The following EIF4G3 variants were observed in gnomAD, a reference collection of about 807,000 sequenced individuals.
EIF4G3 encodes eIF-4-gamma 3.
Under a neutral mutation model 186.4 loss-of-function variants are expected in EIF4G3, and 34 were observed. That is an observed-to-expected ratio of 0.18 (90% CI 0.14 to 0.24). The LOEUF is 0.24. EIF4G3 is among the 10% of genes least tolerant of loss of function. EIF4G3 has a pLI of 1.00. For missense variants in EIF4G3, 1,536 were observed against 1,948.5 expected (o/e 0.79, Z 3.99); for synonymous variants, 673 against 679.5 (o/e 0.99, Z 0.15).
At chr1:20,873,791 C>T (rs962586421) in intron 20 of EIF4G3, among the ~76,000 whole-genome samples, 6 of 150,710 alleles carry the variant, frequency 4.0e-5, no homozygotes, top group Non-Finnish European at 5.9e-5. Flanking sequence ...ATACATGTGC[C>T]ATGGTGGTTT....
chr1:21,043,864 T>C (rs1418985082), intron 4 of EIF4G3, among the ~76,000 whole-genome samples: 3 of 137,194 alleles, frequency 2.2e-5, no homozygotes, highest in Non-Finnish European at 3.1e-5. Flanking sequence ...GAGTGAAACC[T>C]TGGCGCAAAA....
intron 18 of EIF4G3, 123 bp from the exon 19 acceptor site, chr1:20,886,494 T>A: frequency 1.2e-6 from 1 of 830,060 alleles, no homozygotes; most frequent in Non-Finnish European, 1.8e-6. Context: ...TACTAGGTAC[T>A]CAAACTGGAG....
chr1:21,108,564 A>G (rs559734485), intron 2 of EIF4G3, among the ~76,000 whole-genome samples: 127 of 152,272 alleles, frequency 8.3e-4, no homozygotes, highest in African/African-American at 2.8e-3. Context: ...TATAAGGACT[A>G]ATATAAATGC....
chr1:20,812,602 G>C (rs1004262268), intron 35 of EIF4G3, among the ~76,000 whole-genome samples: 2 of 152,076 alleles, frequency 1.3e-5, no homozygotes, highest in African/African-American at 4.8e-5. Context: ...ATTGAATAAT[G>C]TTAAACATTG....
At chr1:20,903,008 C>G (rs1207152540) in intron 15 of EIF4G3, among the ~76,000 whole-genome samples, 2 of 152,200 alleles carry the variant, frequency 1.3e-5, no homozygotes, top group Non-Finnish European at 2.9e-5. Flanking sequence ...TCTTGTGTTT[C>G]AAGAGTAACA....
At chr1:21,160,406 T>A (rs1489318508) in intron 2 of EIF4G3, among the ~76,000 whole-genome samples, 1 of 152,200 alleles carries the variant, frequency 6.6e-6, no homozygotes. Context: ...ACAAGCTCCA[T>A]CAGTTGCTAA....
At chr1:21,175,152 C>A (rs1387799372) in intron 2 of EIF4G3, 1 of 152,166 alleles carries the variant, frequency 6.6e-6, no homozygotes, top group East Asian at 1.9e-4. Context: ...TACACAAATA[C>A]AGTGGGTGTA....
chr1:20,813,398 TAAAAAA>T (rs11303095), intron 34 of EIF4G3, among the ~76,000 whole-genome samples, 159 bp from the exon 35 acceptor site: 5 of 81,834 alleles, frequency 6.1e-5, no homozygotes, highest in East Asian at 4.3e-4. Context: ...CCCTATCTCT[TAAAAAA>T]AAAAAAAAAA....
chr1:21,108,902 C>CA (rs767728797), intron 2 of EIF4G3, among the ~76,000 whole-genome samples: 2,446 of 31,348 alleles, frequency 0.078, 205 homozygotes, highest in African/African-American at 0.19. Flanking sequence ...GACTCCATCT[C>CA]AAAAAAAAAA....
At chr1:20,867,237 CAGAT>C in intron 20 of EIF4G3, among the ~76,000 whole-genome samples, 1 of 152,322 alleles carries the variant, frequency 6.6e-6, no homozygotes, top group Non-Finnish European at 1.5e-5. Flanking sequence ...TAATAAGCCA[CAGAT>C]AAATAAGCTG....
intron 12 of EIF4G3, among the ~76,000 whole-genome samples, chr1:20,965,047 T>C (rs1210760788): frequency 6.6e-6 from 1 of 152,172 alleles, no homozygotes; most frequent in Non-Finnish European, 1.5e-5. Flanking sequence ...GATTAGGAAG[T>C]AGTAAATTTT....
chr1:21,135,719 A>G (rs1053427063), intron 2 of EIF4G3, among the ~76,000 whole-genome samples: 2 of 152,194 alleles, frequency 1.3e-5, no homozygotes, highest in Non-Finnish European at 2.9e-5. Context: ...AATTTGTAGA[A>G]TAAGCCTGGG....
At chr1:21,120,210 C>A (rs533598672) in intron 2 of EIF4G3, among the ~76,000 whole-genome samples, 1 of 150,870 alleles carries the variant, frequency 6.6e-6, no homozygotes, top group Middle Eastern at 3.4e-3. Flanking sequence ...AAATTTACAA[C>A]AATTTATCAA....
At chr1:20,951,953 A>T (rs576973168) in intron 12 of EIF4G3, among the ~76,000 whole-genome samples, 3 of 152,308 alleles carry the variant, frequency 2.0e-5, no homozygotes, top group Admixed American at 6.5e-5. Context: ...AAGGAGTGAG[A>T]TAATATGTTT....
At chr1:20,819,356 C>T (rs1020362008) in intron 33 of EIF4G3, among the ~76,000 whole-genome samples, 6 of 150,584 alleles carry the variant, frequency 4.0e-5, no homozygotes, top group Admixed American at 6.6e-5. Context: ...CTTGCTCTTT[C>T]GCTCAGGTTA....
At position 20,946,512 on chromosome 1, in the gene EIF4G3, T is replaced by C. The variant is rs796185224; in HGVS notation, c.823+3491A>G. 3.3e-5 allele frequency among the ~76,000 whole-genome samples: 5 copies of C among 152,344 alleles called. 1 individual carries two copies. The highest frequency in any genetic ancestry group is 1.2e-4 in the African/African-American group (5 of 41,592). ...TAAAATGGTAGATTTGTCTGGAACC[T>C]TGGCCTTCATGTAAATATTCTAGCT... On this transcript the variant is annotated intron_variant, in intron 13 of 36. Transcript: ENST00000602326.
Position 20,810,654 on chromosome 1 carries a change from T to C in EIF4G3, c.4744+84A>G. ...TTAGTGATTCTTTTATTGTCCTTTG[T>C]TCGAACCCTAAATCATCTCTAAGTC... On this transcript the variant is annotated intron_variant, in intron 36 of 36. Coordinates refer to ENST00000602326, the MANE Select transcript of EIF4G3 (RefSeq NM_001391906.1). The surrounding 1 kb of genome is among the most constrained non-coding windows in gnomAD (Gnocchi z 4.1). The C allele has an allele frequency of 6.8e-7, 1 of 1,462,936 alleles. No homozygotes were observed. The highest frequency in any genetic ancestry group is 1.2e-5 in the South Asian group (1 of 83,782). 90.6% of individuals were successfully genotyped at this position (1,462,936 alleles called of 1,614,324 possible).
At chr1:21,083,182 G>C (rs1274660011) in intron 3 of EIF4G3, among the ~76,000 whole-genome samples, 3 of 151,418 alleles carry the variant, frequency 2.0e-5, no homozygotes, top group Non-Finnish European at 4.4e-5. Flanking sequence ...TCAAGGCTTC[G>C]ATGAGCTGTA....
intron 30 of EIF4G3, among the ~76,000 whole-genome samples, chr1:20,839,357 C>T (rs2067736473): frequency 3.9e-5 from 6 of 152,106 alleles, no homozygotes; most frequent in Admixed American, 3.9e-4. Flanking sequence ...GTGATCTGCC[C>T]ACCTCGGCCT....
Sources: gnomAD v4.1 joint callset for allele counts (sites outside exome capture counted in the v4.1 genomes callset) on GRCh38, gnomAD v4.1.1 for gene constraint, Gnocchi (gnomAD v3.1) non-coding constraint, MANE v1.5 for transcripts, NCBI Gene and HGNC (gene_info 2026-07-23, HGNC 2026-07-21) for gene names.